Variants in TRPM3 observed in about 807,000 individuals in gnomAD.
The protein encoded by TRPM3 is long transient receptor potential channel 3.
Under a neutral mutation model 181.2 loss-of-function variants are expected in TRPM3, and 77 were observed. The ratio of observed to expected loss-of-function variants is 0.42; its 90% CI spans 0.35 to 0.51. The LOEUF (loss-of-function observed/expected upper bound fraction) is 0.51, where lower values mean the gene tolerates loss of function less well. TRPM3 is among the 20% of genes least tolerant of loss of function. The pLI is 0.01. For missense variants in TRPM3, 1,759 were observed against 2,196.7 expected (o/e 0.80, Z 3.98); for synonymous variants, 745 against 796.4 (o/e 0.94, Z 1.09).
chr9:70,594,644 C>T (rs1294242954), intron 21 of TRPM3, among the ~76,000 whole-genome samples: 1 of 152,134 alleles, frequency 6.6e-6, no homozygotes, highest in East Asian at 1.9e-4. Context: ...TGCAGGCTTT[C>T]CATGCTGTGA....
chr9:70,869,224 G>A (rs1264858722), intron 1 of TRPM3, among the ~76,000 whole-genome samples: 4 of 151,856 alleles, frequency 2.6e-5, no homozygotes, highest in Non-Finnish European at 5.9e-5. Context: ...GAATCCCATG[G>A]ACATTCCCTC....
intron 1 of TRPM3, among the ~76,000 whole-genome samples, chr9:71,087,624 G>A (rs1591314889): frequency 6.6e-6 from 1 of 151,970 alleles, no homozygotes; most frequent in Non-Finnish European, 1.5e-5. Flanking sequence ...CTGCATGACT[G>A]GGTACATTCT....
chr9:71,259,849 G>A (rs958073983), intron 1 of TRPM3, among the ~76,000 whole-genome samples: 49 of 152,164 alleles, frequency 3.2e-4, no homozygotes, highest in African/African-American at 1.1e-3. Context: ...TGTTCACTCT[G>A]ATGATAGTCT....
intron 1 of TRPM3, among the ~76,000 whole-genome samples, chr9:70,873,421 G>GTCTGGC (rs2095822542): frequency 6.6e-6 from 1 of 151,956 alleles, no homozygotes; most frequent in African/African-American, 2.4e-5. Flanking sequence ...AGCATCTAAA[G>GTCTGGC]TCTGGCTCTG....
chr9:71,007,039 C>CAAAAAAAAAAAAAAAAA (rs59442017), intron 1 of TRPM3, among the ~76,000 whole-genome samples: 20 of 27,982 alleles, frequency 7.1e-4, no homozygotes, highest in Admixed American at 7.1e-4. Context: ...AACTCCATCT[C>CAAAAAAAAAAAAAAAAA]AAAAAAAAAA....
intron 1 of TRPM3, among the ~76,000 whole-genome samples, chr9:71,021,387 A>G (rs1453339424): frequency 6.6e-6 from 1 of 152,208 alleles, no homozygotes; most frequent in African/African-American, 2.4e-5. Context: ...TTATAACTCA[A>G]TAAAAAGTGT....
At chr9:71,037,505 A>G (rs1337475764) in intron 1 of TRPM3, among the ~76,000 whole-genome samples, 1 of 152,268 alleles carries the variant, frequency 6.6e-6, no homozygotes, top group Non-Finnish European at 1.5e-5. Flanking sequence ...TTCAAAAGGA[A>G]GACACTTATA....
At chr9:71,114,807 G>A (rs1361023298) in intron 1 of TRPM3, among the ~76,000 whole-genome samples, 1 of 152,110 alleles carries the variant, frequency 6.6e-6, no homozygotes, top group Non-Finnish European at 1.5e-5. Context: ...GCATATGTAG[G>A]ATGTTCCAGA....
At chr9:71,111,789 G>A (rs900083410) in intron 1 of TRPM3, among the ~76,000 whole-genome samples, 6 of 152,114 alleles carry the variant, frequency 3.9e-5, no homozygotes, top group African/African-American at 9.7e-5. Flanking sequence ...TTCTTCTAGC[G>A]AGATTATCAC....
chr9:70,889,492 C>G (rs2132820389), intron 1 of TRPM3, among the ~76,000 whole-genome samples: 1 of 152,272 alleles, frequency 6.6e-6, no homozygotes, highest in African/African-American at 2.4e-5. Context: ...CCTCCAACCC[C>G]CTGACCATCT....
At position 70,588,621 on chromosome 9, in the gene TRPM3, C is replaced by T. The variant is rs149731866; in HGVS notation, c.3223+2410G>A. On this transcript the variant is annotated intron_variant, in intron 22 of 25. Transcript: ENST00000677713. Reference sequence around the variant, plus strand: ...CCCTGGGAAGGGCTGTGGGTCCAGGCGGATATGAGATCCGATCAGCCTGAA... The same window carrying T: ...CCCTGGGAAGGGCTGTGGGTCCAGGTGGATATGAGATCCGATCAGCCTGAA... 1.0e-3 allele frequency among the ~76,000 whole-genome samples: 157 copies of T among 152,226 alleles called. 2 individuals are homozygous for T. Among genetic ancestry groups the T allele is most frequent in the African/African-American group, 3.1e-3 (129 of 41,532 alleles).
At chr9:71,084,595 T>C (rs1320835190) in intron 1 of TRPM3, among the ~76,000 whole-genome samples, 1 of 151,912 alleles carries the variant, frequency 6.6e-6, no homozygotes, top group African/African-American at 2.4e-5. Flanking sequence ...CAAGAAGAAC[T>C]ACAAAACACT....
At chr9:71,257,529 A>G (rs1176811267) in intron 1 of TRPM3, among the ~76,000 whole-genome samples, 2 of 152,216 alleles carry the variant, frequency 1.3e-5, no homozygotes, top group African/African-American at 2.4e-5. Context: ...ATGGCAAAAC[A>G]TTATATATGA....
At chr9:71,410,620 C>T (rs538423565) in intron 1 of TRPM3, among the ~76,000 whole-genome samples, 1 of 152,216 alleles carries the variant, frequency 6.6e-6, no homozygotes, top group South Asian at 2.1e-4. Context: ...TAATTAATAG[C>T]CTACCAACCA....
chr9:71,254,069 G>C (rs1364472979), intron 1 of TRPM3, among the ~76,000 whole-genome samples: 1 of 152,086 alleles, frequency 6.6e-6, no homozygotes, highest in Non-Finnish European at 1.5e-5. Context: ...ACAGGTGCCT[G>C]CCACCATGCC....
chr9:71,302,131 T>C (rs2086835770), intron 1 of TRPM3, among the ~76,000 whole-genome samples: 1 of 152,044 alleles, frequency 6.6e-6, no homozygotes, highest in African/African-American at 2.4e-5. Flanking sequence ...ACACTGTAGG[T>C]TTTTAAATTA....
chr9:71,188,612 A>T (rs1411068163), intron 1 of TRPM3, among the ~76,000 whole-genome samples: 3 of 151,886 alleles, frequency 2.0e-5, no homozygotes, highest in Non-Finnish European at 1.5e-5. Context: ...GACTTAGTCC[A>T]GGAGCTGGGG....
Position 70,869,629 on chromosome 9 carries a change from G to T in TRPM3, c.178-5118C>A, listed in dbSNP as rs1016515083. On this transcript the variant is annotated intron_variant, in intron 1 of 25. Coordinates refer to ENST00000677713, the MANE Select transcript of TRPM3 (RefSeq NM_001366145.2). ...GAAGAATGAAGTTGGAGTTTGTCGG[G>T]GACCTTCGAGAACTTCTAAAATGTC... 1.3e-5 allele frequency among the ~76,000 whole-genome samples: 2 copies of T among 151,836 alleles called. 1 individual carries two copies. The highest frequency in any genetic ancestry group is 4.2e-4 in the South Asian group (2 of 4,794).
At chr9:70,785,487 G>A (rs1482344501) in intron 6 of TRPM3, among the ~76,000 whole-genome samples, 1 of 152,122 alleles carries the variant, frequency 6.6e-6, no homozygotes. Context: ...TGGTCTTAGA[G>A]GGCGCACACA....
Sources: gnomAD v4.1 joint callset for allele counts (sites outside exome capture counted in the v4.1 genomes callset) on GRCh38, gnomAD v4.1.1 for gene constraint, MANE v1.5 for transcripts, NCBI Gene and HGNC (gene_info 2026-07-23, HGNC 2026-07-21) for gene names.